Variants in RASGEF1A observed in about 807,000 individuals in gnomAD.
The protein encoded by RASGEF1A is RasGEF domain family member 1A, also known as ras-GEF domain-containing family member 1A.
Under a neutral mutation model 56.4 loss-of-function variants are expected in RASGEF1A, and 18 were observed. The observed-to-expected ratio is 0.32, with a 90% CI of 0.22 to 0.47. The LOEUF is 0.47. Among genes scored for constraint, RASGEF1A ranks in the 20% least tolerant of loss-of-function variants. The probability of loss-of-function intolerance (pLI) is 1.00; values close to 1 mark genes in which losing one functional copy is unlikely to be tolerated. For missense variants in RASGEF1A, 422 were observed against 627.1 expected, an observed-to-expected ratio of 0.67 and a Z score of 3.49; for synonymous variants, 245 against 242.6, an observed-to-expected ratio of 1.01 and a Z score of -0.09.
At chr10:43,217,110 C>T (rs1042245528) in intron 1 of RASGEF1A, among the ~76,000 whole-genome samples, 1 of 152,172 alleles carries the variant, frequency 6.6e-6, no homozygotes, top group Non-Finnish European at 1.5e-5. Flanking sequence ...ATGTCACTCA[C>T]TGGCAGGGGA....
At chr10:43,253,111 C>G (rs1339461196) in intron 1 of RASGEF1A, among the ~76,000 whole-genome samples, 1 of 152,134 alleles carries the variant, frequency 6.6e-6, no homozygotes, top group Admixed American at 6.5e-5. Context: ...GGGGTGCCCC[C>G]ACACACTTCC....
At chr10:43,208,606 C>T (rs1262713882) in intron 1 of RASGEF1A, 26 of 985,554 alleles carry the variant, frequency 2.6e-5, no homozygotes, top group African/African-American at 3.5e-5. Context: ...CGTGTGGAGC[C>T]GCACTGACCT....
chr10:43,234,048 C>A (rs1238227762), intron 1 of RASGEF1A, among the ~76,000 whole-genome samples: 2 of 152,148 alleles, frequency 1.3e-5, no homozygotes, highest in Non-Finnish European at 2.9e-5. Context: ...GGCACCCTCA[C>A]CCCCAGAGGT....
At chr10:43,219,302 T>C (rs1840176710) in intron 1 of RASGEF1A, among the ~76,000 whole-genome samples, 1 of 152,182 alleles carries the variant, frequency 6.6e-6, no homozygotes, top group African/African-American at 2.4e-5. Flanking sequence ...CAGGCTTGGA[T>C]GGGGTCATGT....
At chr10:43,218,666 C>A (rs1258277793) in intron 1 of RASGEF1A, among the ~76,000 whole-genome samples, 5 of 152,270 alleles carry the variant, frequency 3.3e-5, no homozygotes, top group Non-Finnish European at 4.4e-5. Flanking sequence ...CGAAGAAGGG[C>A]CGGATTTACC....
intron 2 of RASGEF1A, among the ~76,000 whole-genome samples, chr10:43,204,792 G>T (rs1210506303): frequency 2.0e-5 from 3 of 152,184 alleles, no homozygotes; most frequent in Non-Finnish European, 4.4e-5. Flanking sequence ...GGCTCCTCTG[G>T]GGTAGGCCTC....
At chr10:43,212,651 C>T (rs768142923) in intron 1 of RASGEF1A, among the ~76,000 whole-genome samples, 15 of 152,244 alleles carry the variant, frequency 9.9e-5, no homozygotes, top group Non-Finnish European at 1.6e-4. Context: ...AGTGCTCACA[C>T]GCAGGGCGTG....
intron 1 of RASGEF1A, among the ~76,000 whole-genome samples, chr10:43,213,649 CAG>C (rs1426338199): frequency 6.6e-6 from 1 of 152,166 alleles, no homozygotes; most frequent in Non-Finnish European, 1.5e-5. Flanking sequence ...TGTTTTGAGA[CAG>C]AGTCTTGCTC....
chr10:43,247,515 C>T (rs912871839), intron 1 of RASGEF1A, among the ~76,000 whole-genome samples: 4 of 152,182 alleles, frequency 2.6e-5, no homozygotes, highest in African/African-American at 9.7e-5. Context: ...CCCAAATATC[C>T]ATTAACTAAT....
intron 1 of RASGEF1A, among the ~76,000 whole-genome samples, chr10:43,225,563 G>T (rs1460692270): frequency 6.8e-6 from 1 of 147,520 alleles, no homozygotes; most frequent in African/African-American, 2.6e-5. Flanking sequence ...CTGTGTGTGG[G>T]TGTCTGTGTA....
chr10:43,234,959 C>T (rs1352519440), intron 1 of RASGEF1A, among the ~76,000 whole-genome samples: 1 of 152,174 alleles, frequency 6.6e-6, no homozygotes, highest in Admixed American at 6.5e-5. Flanking sequence ...GGTCAGTACC[C>T]CTGGGCAGAG....
intron 1 of RASGEF1A, chr10:43,229,658 G>C (rs1490434137): frequency 6.7e-7 from 1 of 1,491,662 alleles, no homozygotes; most frequent in South Asian, 1.2e-5. Flanking sequence ...GGAACATTCT[G>C]GCCGCCGGCT....
intron 1 of RASGEF1A, among the ~76,000 whole-genome samples, chr10:43,260,717 T>G (rs1426962051): frequency 1.3e-5 from 2 of 151,884 alleles, no homozygotes; most frequent in Non-Finnish European, 2.9e-5. Flanking sequence ...GGACTTCTCC[T>G]GTACAACTGG....
Position 43,197,108 on chromosome 10 carries a change from A to G in RASGEF1A, c.1225-9T>C, listed in dbSNP as rs1564527059. ...GAGATCTCCCAGAATTTCTGAAGGG[A>G]GCAAAACCAACTGATGTTCATCTGT... On this transcript the variant is annotated splice_polypyrimidine_tract_variant and intron_variant, in intron 10 of 12. Transcript: ENST00000395810. 1 of 1,613,318 alleles carries G rather than the reference A, an allele frequency of 6.2e-7. No homozygotes were observed. The highest frequency in any genetic ancestry group is 1.7e-5 in the Admixed American group (1 of 59,966).
chr10:43,216,093 G>C (rs545792703), intron 1 of RASGEF1A, among the ~76,000 whole-genome samples: 1 of 152,170 alleles, frequency 6.6e-6, no homozygotes, highest in South Asian at 2.1e-4. Context: ...TGTGTGTGTC[G>C]GCCTTGCTAA....
At chr10:43,256,721 A>G (rs912161158) in intron 1 of RASGEF1A, among the ~76,000 whole-genome samples, 41 of 152,180 alleles carry the variant, frequency 2.7e-4, no homozygotes, top group African/African-American at 9.4e-4. Flanking sequence ...CACCACAGCC[A>G]CAGAGCAGTG....
chr10:43,229,837 G>A (rs1296217131), intron 1 of RASGEF1A: 3 of 937,428 alleles, frequency 3.2e-6, no homozygotes, highest in Non-Finnish European at 4.2e-6. Context: ...CGCGGGGTCC[G>A]GGCGGGGCAG....
intron 1 of RASGEF1A, among the ~76,000 whole-genome samples, chr10:43,232,620 G>C (rs1840386062): frequency 6.6e-6 from 1 of 151,668 alleles, no homozygotes. Flanking sequence ...TCAAGTAGCT[G>C]GGATTACAGG....
chr10:43,198,445 AC>A (rs1484799767), intron 9 of RASGEF1A, among the ~76,000 whole-genome samples: 4 of 151,996 alleles, frequency 2.6e-5, no homozygotes, highest in African/African-American at 9.7e-5. Context: ...GCCAGGCCTG[AC>A]CCTCGCCCTC....
Sources: gnomAD v4.1 joint callset for allele counts (sites outside exome capture counted in the v4.1 genomes callset) on GRCh38, gnomAD v4.1.1 for gene constraint, MANE v1.5 for transcripts, NCBI Gene and HGNC (gene_info 2026-07-23, HGNC 2026-07-21) for gene names.